Variants in GRM1 observed in about 807,000 individuals in gnomAD.
The protein encoded by GRM1 is glutamate metabotropic receptor 1.
GRM1 carries 33 observed loss-of-function variants against 90.9 expected under a neutral mutation model. The ratio of observed to expected loss-of-function variants is 0.36; its 90% CI spans 0.28 to 0.49. The LOEUF (loss-of-function observed/expected upper bound fraction) is 0.49. Ranked by LOEUF, GRM1 falls within the 20% of genes least tolerant of loss-of-function variation. The pLI is 0.99. For missense variants in GRM1, 1,190 were observed against 1,534.3 expected (o/e 0.78, Z 3.75); for synonymous variants, 700 against 613.2 (o/e 1.14, Z -2.09).
chr6:146,039,785 A>C (rs547118125), intron 1 of GRM1, among the ~76,000 whole-genome samples: 2 of 152,124 alleles, frequency 1.3e-5, no homozygotes, highest in South Asian at 4.1e-4. Flanking sequence ...CAGGGAGGTT[A>C]GTGTTTAGTG....
intron 5 of GRM1, among the ~76,000 whole-genome samples, chr6:146,386,658 A>T (rs1776517607): frequency 6.6e-6 from 1 of 152,090 alleles, no homozygotes; most frequent in Non-Finnish European, 1.5e-5. Flanking sequence ...TATAAAATGA[A>T]TTATTATTGA....
intron 3 of GRM1, among the ~76,000 whole-genome samples, chr6:146,342,238 A>G (rs1439791232): frequency 6.6e-6 from 1 of 152,244 alleles, no homozygotes; most frequent in Non-Finnish European, 1.5e-5. Flanking sequence ...AAGCATCTAT[A>G]TAAAGAGCTA....
rs114740301 is a variant in GRM1 at position 146,268,723 on chromosome 6, C to A, written c.951-35888C>A. Reference sequence around the variant, plus strand: ...GATATGACCTTTCTGACCTTGCAGCCCCTGCAGTACTTCAGTTATCCTCTC... The same window carrying A: ...GATATGACCTTTCTGACCTTGCAGCACCTGCAGTACTTCAGTTATCCTCTC... On this transcript the variant is annotated intron_variant, in intron 2 of 7. Coordinates refer to ENST00000282753, the MANE Select transcript of GRM1 (RefSeq NM_001278064.2). Among the ~76,000 whole-genome samples, 927 of 152,268 alleles carry A rather than the reference C, an allele frequency of 6.1e-3. 10 individuals carry two copies. Among genetic ancestry groups the A allele is most frequent in the African/African-American group, 0.021 (873 of 41,554 alleles).
chr6:146,329,684 A>G (rs1346893270), intron 3 of GRM1, among the ~76,000 whole-genome samples: 1 of 152,220 alleles, frequency 6.6e-6, no homozygotes, highest in Non-Finnish European at 1.5e-5. Flanking sequence ...AGTTGAAAGT[A>G]CTATAAATCA....
intron 3 of GRM1, among the ~76,000 whole-genome samples, chr6:146,351,229 A>G (rs1183935493): frequency 2.0e-5 from 3 of 152,168 alleles, no homozygotes; most frequent in African/African-American, 7.2e-5. Context: ...ATATGCAGCT[A>G]AATTGCTGAC....
intron 5 of GRM1, among the ~76,000 whole-genome samples, chr6:146,378,431 C>G (rs895675379): frequency 6.6e-6 from 1 of 152,158 alleles, no homozygotes; most frequent in Non-Finnish European, 1.5e-5. Context: ...CATGGGAACC[C>G]ACCTCTTGCA....
intron 2 of GRM1, among the ~76,000 whole-genome samples, chr6:146,280,277 A>G (rs953273729): frequency 3.9e-5 from 6 of 152,218 alleles, no homozygotes; most frequent in African/African-American, 1.4e-4. Context: ...CCCCTATCCC[A>G]GTGATCATAG....
rs1777187095 is a variant in GRM1, at chr6:146,105,210, T to A, written c.701-54138T>A. ...TGAGTAGAATGTTTGATGGTAGAAG[T>A]CTGATTGTCCTGGGTTGAGAAACTG... On this transcript the variant is annotated intron_variant, in intron 1 of 7. Transcript: ENST00000282753. Among the ~76,000 whole-genome samples, 3 of 152,300 alleles carry A rather than the reference T, an allele frequency of 2.0e-5. No individual in the cohort carries two copies. In the South Asian group the frequency reaches 6.2e-4, roughly 32 times the overall value.
At chr6:146,345,863 T>A (rs1785171028) in intron 3 of GRM1, among the ~76,000 whole-genome samples, 1 of 152,238 alleles carries the variant, frequency 6.6e-6, no homozygotes, top group Admixed American at 6.5e-5. Flanking sequence ...GTCAGCTCTC[T>A]GTAGCATACT....
At chr6:146,270,175 G>A (rs980315777) in intron 2 of GRM1, among the ~76,000 whole-genome samples, 6 of 152,080 alleles carry the variant, frequency 3.9e-5, no homozygotes, top group Non-Finnish European at 8.8e-5. Context: ...GAACTCCAAA[G>A]AGAAAAGAGA....
intron 2 of GRM1, among the ~76,000 whole-genome samples, chr6:146,187,156 AG>A (rs1778764110): frequency 6.6e-6 from 1 of 152,184 alleles, no homozygotes; most frequent in Admixed American, 6.5e-5. Context: ...AAAGTCTAGA[AG>A]GTCTAAAGCT....
Position 146,098,268 on chromosome 6 carries a change from A to C in GRM1, c.701-61080A>C, listed in dbSNP as rs555593437. On this transcript the variant is annotated intron_variant, in intron 1 of 7. Transcript: ENST00000282753. ...TGATCAAACCACTTATTTCAATAGG[A>C]TAACATTTAACCAAATGCCTTGGTA... Among the ~76,000 whole-genome samples the C allele has an allele frequency of 3.9e-5, 6 of 152,284 alleles. No individual in the cohort carries two copies. In the East Asian group the frequency reaches 1.2e-3, roughly 29 times the overall value.
At chr6:146,042,566 G>C (rs1791155167) in intron 1 of GRM1, among the ~76,000 whole-genome samples, 1 of 151,986 alleles carries the variant, frequency 6.6e-6, no homozygotes, top group Admixed American at 6.6e-5. Context: ...GTTCGGGAAA[G>C]AGGAGAAAAG....
At chr6:146,253,318 G>C (rs1781368581) in intron 2 of GRM1, among the ~76,000 whole-genome samples, 1 of 152,052 alleles carries the variant, frequency 6.6e-6, no homozygotes, top group Non-Finnish European at 1.5e-5. Flanking sequence ...GGAGGGACAG[G>C]GATGGTAACA....
At chr6:146,042,539 C>T (rs942723965) in intron 1 of GRM1, among the ~76,000 whole-genome samples, 2 of 151,826 alleles carry the variant, frequency 1.3e-5, no homozygotes, top group South Asian at 2.1e-4. Context: ...CTTTTCTCTG[C>T]GTGGTGATGT....
In GRM1 at chr6:146,089,605, A is replaced by G. The variant is rs149617073; in HGVS notation, c.700+59388A>G. Among the ~76,000 whole-genome samples, 1,172 of 152,218 alleles carry G rather than the reference A, an allele frequency of 7.7e-3. 16 individuals carry two copies. Among genetic ancestry groups the G allele is most frequent in the African/African-American group, 0.026 (1,086 of 41,528 alleles). ...TACTGAAAAATATTTTTATTCATAT[A>G]TCTTTATATATTGATGCCTTTATTT... On this transcript the variant is annotated intron_variant, in intron 1 of 7. Coordinates refer to ENST00000282753, the MANE Select transcript of GRM1 (RefSeq NM_001278064.2).
chr6:146,067,915 C>T (rs1034295157), intron 1 of GRM1, among the ~76,000 whole-genome samples: 4 of 152,066 alleles, frequency 2.6e-5, no homozygotes, highest in Non-Finnish European at 4.4e-5. Flanking sequence ...AGAAAATAAT[C>T]TGGCTTTATC....
intron 5 of GRM1, among the ~76,000 whole-genome samples, chr6:146,379,956 C>CTT (rs1776259142): frequency 7.0e-6 from 1 of 143,344 alleles, no homozygotes; most frequent in Admixed American, 6.9e-5. Flanking sequence ...CTCTCTCTCT[C>CTT]TCTTTCTCAC....
intron 2 of GRM1, among the ~76,000 whole-genome samples, chr6:146,281,569 G>A (rs2114855737): frequency 6.6e-6 from 1 of 152,236 alleles, no homozygotes; most frequent in Middle Eastern, 3.4e-3. Context: ...ATGTAATTTA[G>A]ATTATAATTA....
Sources: allele counts gnomAD v4.1 joint callset (sites outside exome capture counted in the v4.1 genomes callset), GRCh38; gene constraint gnomAD v4.1.1; transcripts MANE v1.5; gene names NCBI Gene and HGNC (gene_info 2026-07-23, HGNC 2026-07-21).